Variants in EXT2 observed in about 807,000 individuals in gnomAD.
EXT2 encodes the protein exostosin-2.
A neutral mutation model predicts 81.6 loss-of-function variants in EXT2; 53 were observed. The observed-to-expected ratio is 0.65, with a 90% confidence interval of 0.52 to 0.82. The LOEUF (loss-of-function observed/expected upper bound fraction) is 0.82, where lower values mean the gene tolerates loss of function less well. EXT2 is among the 40% of genes least tolerant of loss of function. The pLI is 0.00. For missense variants in EXT2, 774 were observed against 910.2 expected (o/e 0.85, Z 1.93); for synonymous variants, 320 against 340.0 (o/e 0.94, Z 0.65).
intron 6 of EXT2, 129 bp from the exon 7 acceptor site, chr11:44,129,916 C>T (rs990231085): frequency 1.4e-4 from 105 of 745,068 alleles, no homozygotes; most frequent in African/African-American, 1.3e-3. Flanking sequence ...ATAATACTTA[C>T]CGGAAGGGAT....
chr11:44,115,820 G>A (rs1196019156), intron 4 of EXT2: 1 of 152,110 alleles, frequency 6.6e-6, no homozygotes, highest in East Asian at 1.9e-4. Context: ...ACTTACATTA[G>A]CCATTCACTT....
chr11:44,117,306 C>T (rs1259842377), intron 4 of EXT2, among the ~76,000 whole-genome samples: 1 of 152,144 alleles, frequency 6.6e-6, no homozygotes, highest in Non-Finnish European at 1.5e-5. Flanking sequence ...CACAAAAGTT[C>T]CTCATTTTGA....
chr11:44,117,730 A>C (rs1207618377), intron 4 of EXT2, among the ~76,000 whole-genome samples: 1 of 152,190 alleles, frequency 6.6e-6, no homozygotes, highest in Non-Finnish European at 1.5e-5. Flanking sequence ...AAGTTTTGAA[A>C]TAAATGTAAG....
chr11:44,157,578 C>T (rs1302431992), intron 7 of EXT2, among the ~76,000 whole-genome samples: 4 of 152,196 alleles, frequency 2.6e-5, no homozygotes, highest in African/African-American at 7.2e-5. Flanking sequence ...GCTCTTCAGT[C>T]GGCTTGTGGT....
chr11:44,114,099 A>G, intron 3 of EXT2, 86 bp from the exon 4 acceptor site: 2 of 1,169,656 alleles, frequency 1.7e-6, no homozygotes, highest in Non-Finnish European at 2.6e-6. Context: ...GATAATAAAG[A>G]CTCAGTAATT....
At chr11:44,097,957 G>A (rs554557679) in intron 1 of EXT2, among the ~76,000 whole-genome samples, 1 of 152,296 alleles carries the variant, frequency 6.6e-6, no homozygotes, top group Admixed American at 6.5e-5. Context: ...CTCACAATAG[G>A]TTGGGGTTAA....
At chr11:44,241,845 C>G (rs772028772) in intron 13 of EXT2, among the ~76,000 whole-genome samples, 2 of 152,214 alleles carry the variant, frequency 1.3e-5, no homozygotes, top group African/African-American at 2.4e-5. Flanking sequence ...ACCCAGACCC[C>G]CTGTGTGAAA....
intron 8 of EXT2, among the ~76,000 whole-genome samples, chr11:44,191,844 A>G (rs1407916863): frequency 6.6e-6 from 1 of 152,158 alleles, no homozygotes; most frequent in Admixed American, 6.5e-5. Context: ...CTGAGCTCCA[A>G]AGGCAAATAG....
intron 7 of EXT2, among the ~76,000 whole-genome samples, chr11:44,158,739 T>C (rs1057514009): frequency 1.3e-5 from 2 of 152,002 alleles, no homozygotes; most frequent in Admixed American, 6.5e-5. Flanking sequence ...ATTTTCCTTC[T>C]CTCTGAAGAA....
intron 8 of EXT2, 114 bp from the exon 9 acceptor site, chr11:44,197,715 G>A (rs1404473690): frequency 3.8e-6 from 4 of 1,049,848 alleles, no homozygotes; most frequent in Non-Finnish European, 4.4e-6. Flanking sequence ...TTAGCTCTGG[G>A]ATCTGTCCTG....
chr11:44,158,556 T>A (rs983040883), intron 7 of EXT2, among the ~76,000 whole-genome samples: 2 of 150,000 alleles, frequency 1.3e-5, no homozygotes, highest in African/African-American at 4.9e-5. Flanking sequence ...TAATTTAATT[T>A]TAATTAAATT....
At chr11:44,134,370 A>G (rs1024795196) in intron 7 of EXT2, among the ~76,000 whole-genome samples, 1 of 152,230 alleles carries the variant, frequency 6.6e-6, no homozygotes. Flanking sequence ...GGGTATAAGC[A>G]TAAAGAAAGT....
intron 8 of EXT2, among the ~76,000 whole-genome samples, chr11:44,192,962 G>A (rs530231064): frequency 3.9e-5 from 6 of 152,148 alleles, no homozygotes; most frequent in Admixed American, 6.5e-5. Context: ...TGATAAAACA[G>A]GCCTGAGTCA....
chr11:44,211,209 A>T (rs1955644101), intron 10 of EXT2, among the ~76,000 whole-genome samples: 1 of 152,262 alleles, frequency 6.6e-6, no homozygotes, highest in Non-Finnish European at 1.5e-5. Context: ...ATTTTGGAAA[A>T]GAGCATGGAG....
intron 10 of EXT2, among the ~76,000 whole-genome samples, chr11:44,219,255 A>G (rs1040756657): frequency 6.6e-6 from 1 of 152,136 alleles, no homozygotes; most frequent in Non-Finnish European, 1.5e-5. Flanking sequence ...TAATTCCTAC[A>G]CTTTGGGAAC....
At position 44,109,824 on chromosome 11, in the gene EXT2, G is replaced by T. The variant is rs924634125; in HGVS notation, c.626+541G>T. 9.2e-5 allele frequency among the ~76,000 whole-genome samples: 14 copies of T among 151,924 alleles called. 2 individuals are homozygous for T. The highest frequency in any genetic ancestry group is 8.5e-4 in the Admixed American group (13 of 15,254). ...CCTTCCAGAAAAACCTTCCAAATAG[G>T]CAGATGTGGTATGGGGTGGCCATGA... is the stretch of plus-strand genomic sequence containing the variant. On this transcript the variant is annotated intron_variant, in intron 3 of 13. Coordinates refer to ENST00000533608, the MANE Select transcript of EXT2 (RefSeq NM_207122.2).
intron 4 of EXT2, among the ~76,000 whole-genome samples, chr11:44,119,879 C>G (rs1954291844): frequency 6.6e-6 from 1 of 152,226 alleles, no homozygotes. Context: ...GAGGACTGGT[C>G]TGCTAGGACT....
At chr11:44,200,514 A>G (rs1017491736) in intron 9 of EXT2, among the ~76,000 whole-genome samples, 5 of 152,288 alleles carry the variant, frequency 3.3e-5, no homozygotes, top group African/African-American at 1.2e-4. Flanking sequence ...TTTAAATTTG[A>G]ATTAACATCA....
At chr11:44,111,351 C>T (rs1465209720) in intron 3 of EXT2, among the ~76,000 whole-genome samples, 1 of 152,002 alleles carries the variant, frequency 6.6e-6, no homozygotes, top group Non-Finnish European at 1.5e-5. Context: ...GCTTTGATTC[C>T]CTCCTCTGTT....
Sources: allele counts gnomAD v4.1 joint callset (sites outside exome capture counted in the v4.1 genomes callset), GRCh38; gene constraint gnomAD v4.1.1; transcripts MANE v1.5; gene names NCBI Gene and HGNC (gene_info 2026-07-23, HGNC 2026-07-21).